The following TBC1D30 variants were observed in gnomAD, a reference collection of about 807,000 sequenced individuals.
TBC1D30 encodes the protein TBC1 domain family, member 30.
Under a neutral mutation model 63.2 loss-of-function variants are expected in TBC1D30, and 31 were observed. The observed-to-expected ratio is 0.49, with a 90% confidence interval of 0.37 to 0.66. TBC1D30 has a LOEUF of 0.66. Among genes scored for constraint, TBC1D30 ranks in the 30% least tolerant of loss-of-function variants. The probability of loss-of-function intolerance (pLI) is 0.00; values close to 1 mark genes in which losing one functional copy is unlikely to be tolerated. For synonymous variants in TBC1D30, 307 were observed against 361.5 expected (o/e 0.85, Z 1.71); for missense variants, 810 against 953.6 (o/e 0.85, Z 1.98).
At chr12:64,848,148 C>T (rs886889737) in intron 8 of TBC1D30, among the ~76,000 whole-genome samples, 2 of 151,816 alleles carry the variant, frequency 1.3e-5, no homozygotes. Context: ...CCTTCTTTGT[C>T]TCTTCTTAAT....
At chr12:64,819,739 T>C (rs181890909), upstream of TBC1D30, among the ~76,000 whole-genome samples, 3 of 152,318 alleles carry the variant, frequency 2.0e-5, no homozygotes, top group East Asian at 5.8e-4. Context: ...AGTGTTAACT[T>C]CTTGTAGAAA....
chr12:64,768,749 T>C (rs939975401), intron 1 of TBC1D30, among the ~76,000 whole-genome samples: 3 of 152,216 alleles, frequency 2.0e-5, no homozygotes, highest in Admixed American at 6.6e-5. Context: ...AAATATTTTT[T>C]GATAACATTA....
intron 1 of TBC1D30, among the ~76,000 whole-genome samples, chr12:64,763,478 C>T (rs766460327): frequency 6.6e-6 from 1 of 152,048 alleles, no homozygotes. Flanking sequence ...AATGATTATT[C>T]TCTTCCTCTT....
chr12:64,844,107 G>A (rs973396472), intron 8 of TBC1D30, among the ~76,000 whole-genome samples: 6 of 152,048 alleles, frequency 3.9e-5, no homozygotes, highest in Non-Finnish European at 8.8e-5. Context: ...TTAGACTTGT[G>A]GGGGGAAACA....
intron 1 of TBC1D30, among the ~76,000 whole-genome samples, chr12:64,781,652 C>G (rs1366546087): frequency 6.6e-6 from 1 of 151,128 alleles, no homozygotes; most frequent in South Asian, 2.1e-4. Context: ...ACCTAGAGGG[C>G]GCCGCCAGAA....
At chr12:64,864,539 A>G in intron 8 of TBC1D30, 129 bp from the exon 9 acceptor site, 1 of 591,260 alleles carries the variant, frequency 1.7e-6, no homozygotes, top group Admixed American at 2.9e-5. Flanking sequence ...GAATCTCTCC[A>G]CCTGCTGTGT....
intron 7 of TBC1D30, among the ~76,000 whole-genome samples, chr12:64,840,737 G>A (rs997380134): frequency 1.3e-5 from 2 of 152,334 alleles, no homozygotes; most frequent in Non-Finnish European, 2.9e-5. Flanking sequence ...TGGCTCTAGA[G>A]TCTGTGCTTT....
chr12:64,769,550 T>G lies in TBC1D30; in HGVS notation c.-376+9901T>G, dbSNP rs1870832787. Reference sequence around the variant, plus strand: ...TGCCACCACGCTGGGCTATTTTTTTTTTTTTTTTTGTATTTTTAGTAGAGA... The same window carrying G: ...TGCCACCACGCTGGGCTATTTTTTTGTTTTTTTTTGTATTTTTAGTAGAGA... On this transcript the variant is annotated intron_variant, in intron 1 of 13. Coordinates refer to the TBC1D30 transcript ENST00000674237. Among the ~76,000 whole-genome samples the G allele has an allele frequency of 2.6e-5, 4 of 151,448 alleles. No homozygotes were observed. In the South Asian group the frequency reaches 8.3e-4, roughly 31 times the overall value.
intron 8 of TBC1D30, among the ~76,000 whole-genome samples, chr12:64,862,620 A>C (rs1043665577): frequency 6.6e-5 from 10 of 152,192 alleles, no homozygotes; most frequent in African/African-American, 2.4e-4. Flanking sequence ...ACCTTGTTAC[A>C]AAACTGGCAA....
intron 2 of TBC1D30, among the ~76,000 whole-genome samples, chr12:64,812,996 T>C (rs1163543987): frequency 1.3e-5 from 2 of 152,118 alleles, no homozygotes; most frequent in Non-Finnish European, 2.9e-5. Context: ...CTAGGTCAAA[T>C]TGGGTGGTAA....
chr12:64,772,424 T>C (rs963889585), intron 1 of TBC1D30, among the ~76,000 whole-genome samples: 1 of 151,846 alleles, frequency 6.6e-6, no homozygotes, highest in Non-Finnish European at 1.5e-5. Context: ...AATAGGCACA[T>C]CACTTCCTTT....
chr12:64,763,396 A>G (rs1015551558), intron 1 of TBC1D30, among the ~76,000 whole-genome samples: 1 of 152,218 alleles, frequency 6.6e-6, no homozygotes, highest in African/African-American at 2.4e-5. Context: ...CTTTATTGAG[A>G]TATAATTGAC....
intron 2 of TBC1D30, among the ~76,000 whole-genome samples, chr12:64,810,156 T>C (rs1484410637): frequency 2.0e-5 from 3 of 152,190 alleles, no homozygotes; most frequent in African/African-American, 7.2e-5. Context: ...AAAGTGACCT[T>C]TGGTATTTGA....
chr12:64,870,941 T>C (rs1323845090), intron 11 of TBC1D30, 133 bp downstream of exon 11: 1 of 787,134 alleles, frequency 1.3e-6, no homozygotes, highest in African/African-American at 1.8e-5. Flanking sequence ...CATGACATAA[T>C]AGCATATTTA....
chr12:64,839,496 C>G (rs991209587), intron 7 of TBC1D30, among the ~76,000 whole-genome samples: 1 of 152,140 alleles, frequency 6.6e-6, no homozygotes, highest in Non-Finnish European at 1.5e-5. Flanking sequence ...ACGGAAGAAG[C>G]ATTAGGATGA....
intron 2 of TBC1D30, among the ~76,000 whole-genome samples, chr12:64,805,000 A>G (rs1872782823): frequency 6.6e-6 from 1 of 152,174 alleles, no homozygotes; most frequent in Admixed American, 6.5e-5. Context: ...CAGAAGTTCG[A>G]GACCAGCCTG....
intron 2 of TBC1D30, among the ~76,000 whole-genome samples, chr12:64,787,659 C>G (rs912089982): frequency 6.6e-6 from 1 of 152,062 alleles, no homozygotes; most frequent in Admixed American, 6.6e-5. Flanking sequence ...TTTCTTGCTT[C>G]TCTTCTATTA....
At chr12:64,763,104 C>T (rs766547210) in intron 1 of TBC1D30, among the ~76,000 whole-genome samples, 4 of 151,996 alleles carry the variant, frequency 2.6e-5, no homozygotes, top group African/African-American at 9.7e-5. Context: ...TACAGGCATG[C>T]GTCACTATGC....
intron 2 of TBC1D30, among the ~76,000 whole-genome samples, chr12:64,804,254 A>G (rs150924572): frequency 4.6e-5 from 7 of 152,242 alleles, no homozygotes; most frequent in African/African-American, 1.2e-4. Flanking sequence ...CTTTGAAGCA[A>G]TTGTGAATGG....
Sources: gnomAD v4.1 joint callset for allele counts (sites outside exome capture counted in the v4.1 genomes callset) on GRCh38, gnomAD v4.1.1 for gene constraint, MANE v1.5 for transcripts, NCBI Gene and HGNC (gene_info 2026-07-23, HGNC 2026-07-21) for gene names.